Variants in USP16 observed in about 807,000 individuals in gnomAD.
USP16 encodes the protein ubiquitin carboxyl-terminal hydrolase 16.
Under a neutral mutation model 95.9 loss-of-function variants are expected in USP16, and 77 were observed. The ratio of observed to expected loss-of-function variants is 0.80; its 90% CI spans 0.67 to 0.97. The LOEUF is 0.97. USP16 is among the 50% of genes least tolerant of loss of function. The pLI, the probability that USP16 is intolerant of heterozygous loss-of-function variation, is 0.00. For missense variants in USP16, 943 were observed against 959.9 expected (o/e 0.98, Z 0.23); for synonymous variants, 303 against 318.2 (o/e 0.95, Z 0.51).
chr21:29,047,667 A>G (rs2085347245), intron 14 of USP16, among the ~76,000 whole-genome samples: 1 of 152,042 alleles, frequency 6.6e-6, no homozygotes, highest in Non-Finnish European at 1.5e-5. Context: ...TTATCAGTGA[A>G]CTAATATGAC....
At chr21:29,028,034 G>A in intron 2 of USP16, 60 bp downstream of exon 2, 1 of 1,288,616 alleles carries the variant, frequency 7.8e-7, no homozygotes, top group South Asian at 1.3e-5. Flanking sequence ...GTTTTAAAAT[G>A]TAAAAATGGT....
intron 14 of USP16, 59 bp downstream of exon 14, chr21:29,047,380 AT>A: frequency 6.6e-7 from 1 of 1,514,012 alleles, no homozygotes; most frequent in Non-Finnish European, 8.9e-7. Flanking sequence ...TTTGCACTGC[AT>A]AGGTAGAGTA....
rs543669306 is a variant in USP16 at position 29,035,828 on chromosome 21, A to C, written c.345-443A>C. On this transcript the variant is annotated intron_variant, in intron 4 of 17. Coordinates refer to ENST00000399976, the MANE Select transcript of USP16 (RefSeq NM_006447.3). ...CAGCTACTCGGGAGGCTGAGGTAGG[A>C]GAATGGCATGAACCAGGGAGCTGGA... is the stretch of plus-strand genomic sequence containing the variant. Among the ~76,000 whole-genome samples, 9 of 152,206 alleles carry C rather than the reference A, an allele frequency of 5.9e-5. No individual in the cohort carries two copies. The East Asian group carries it at 1.6e-3, about 26-fold the overall frequency.
At chr21:29,036,202 AATT>A in intron 4 of USP16, 66 bp from the exon 5 acceptor site, 3 of 1,305,796 alleles carry the variant, frequency 2.3e-6, no homozygotes, top group Non-Finnish European at 3.3e-6. Context: ...TGATTCCAGG[AATT>A]ATTATTTGTC....
chr21:29,047,891 T>C (rs545858011), intron 14 of USP16, among the ~76,000 whole-genome samples: 3 of 151,996 alleles, frequency 2.0e-5, no homozygotes, highest in East Asian at 1.9e-4. Flanking sequence ...TATTTACATA[T>C]AGAGACAAAA....
intron 1 of USP16, chr21:29,026,549 TTTTTTTTTTTTTG>T (rs1246166598): frequency 1.6e-5 from 2 of 126,540 alleles, no homozygotes; most frequent in Non-Finnish European, 3.3e-5. Flanking sequence ...TTTTTTTTTT[TTTTTTTTTTTTTG>T]GTAGAGATAG....
intron 10 of USP16, among the ~76,000 whole-genome samples, chr21:29,041,673 A>C (rs554325417): frequency 6.6e-6 from 1 of 152,222 alleles, no homozygotes; most frequent in South Asian, 2.1e-4. Flanking sequence ...CATTCAGCCT[A>C]CTCTGAGCTG....
chr21:29,042,178 G>A, intron 11 of USP16, 74 bp downstream of exon 11: 1 of 1,323,838 alleles, frequency 7.6e-7, no homozygotes, highest in Non-Finnish European at 1.1e-6. Flanking sequence ...TTCAAAAGCA[G>A]AAATCTCTAC....
intron 7 of USP16, 136 bp downstream of exon 7, chr21:29,038,566 T>A: frequency 1.4e-6 from 1 of 693,172 alleles, no homozygotes; most frequent in Non-Finnish European, 2.5e-6. Flanking sequence ...CTTAAACAGT[T>A]TCAGGCTAAT....
At chr21:29,035,326 CAG>C (rs2085137636) in intron 4 of USP16, among the ~76,000 whole-genome samples, 1 of 151,472 alleles carries the variant, frequency 6.6e-6, no homozygotes, top group Non-Finnish European at 1.5e-5. Context: ...ATCATTAAAA[CAG>C]ATTTTTACGT....
chr21:29,030,853 A>C, intron 3 of USP16, 80 bp downstream of exon 3: 1 of 1,459,634 alleles, frequency 6.9e-7, no homozygotes. Flanking sequence ...CTGAAAGTAC[A>C]GTATGGATAA....
chr21:29,038,350 C>G lies in USP16; in HGVS notation c.652C>G (p.Pro218Ala). 2 of 1,609,388 alleles carry G rather than the reference C, an allele frequency of 1.2e-6. No individual in the cohort carries two copies. Residue 218 changes from proline (P) to alanine (A), a missense_variant, in exon 7 of 18, where the codon CCA (proline) becomes GCA (alanine). Coordinates refer to ENST00000399976, the MANE Select transcript of USP16 (RefSeq NM_006447.3). ...TACATTCTAGAACTTGTCACAAACA[C>G]CAGTGCTTAGAGAACTACTAAAAGA... ...NAVMQNLSQT[P>A]VLRELLKEVK...
At chr21:29,025,000 G>A in intron 1 of USP16, 2 of 360,794 alleles carry the variant, frequency 5.5e-6, no homozygotes, top group Non-Finnish European at 9.7e-6. Flanking sequence ...CGACCCCGTG[G>A]ACCCAGAGGT....
chr21:29,041,992 TAG>T lies in USP16; in HGVS notation c.1031-19_1031-18del. 7 of 1,602,026 alleles carry T rather than the reference TAG, an allele frequency of 4.4e-6. No homozygotes were observed. Among genetic ancestry groups the T allele is most frequent in the Non-Finnish European group, 5.1e-6 (6 of 1,170,920 alleles). ...TTATATAACGGTAATTGGTAATTGA[TAG>T]ACTTTTTTTTCTCCATAGATTATGA... On this transcript the variant is annotated intron_variant, in intron 10 of 17. Transcript: ENST00000399976.
intron 4 of USP16, 79 bp downstream of exon 4, chr21:29,035,019 A>T (rs1213738005): frequency 7.3e-7 from 1 of 1,378,362 alleles, no homozygotes; most frequent in African/African-American, 1.5e-5. Flanking sequence ...TATGTTTAAG[A>T]AGAAAGCAAT....
chr21:29,043,467 G>A lies in USP16; in HGVS notation c.1224G>A (p.Val408=), dbSNP rs932003946. Residue 408 remains valine (V), a synonymous_variant, in exon 13 of 18, where the codon GTG becomes GTA. Transcript: ENST00000399976. ...ATGATAAAAATCTGAAAAAGACAGT[G>A]GAGGATGAAGATCAAGATAGTGAGG... is the stretch of plus-strand genomic sequence containing the variant. ...SVNDKNLKKT[V]EDEDQDSEEE... 1.9e-5 allele frequency: 30 copies of A among 1,576,306 alleles called. No individual in the cohort carries two copies. Among genetic ancestry groups the A allele is most frequent in the Non-Finnish European group, 2.4e-5 (28 of 1,164,978 alleles).
intron 9 of USP16, among the ~76,000 whole-genome samples, chr21:29,040,014 TA>T (rs1359573473): frequency 6.6e-6 from 1 of 152,164 alleles, no homozygotes; most frequent in African/African-American, 2.4e-5. Context: ...TGCCAGGATA[TA>T]AAAAAATGTA....
chr21:29,046,711 A>G lies in USP16; in HGVS notation c.1401A>G (p.Leu467=). The G allele has an allele frequency of 6.2e-7, 1 of 1,610,222 alleles. No individual in the cohort carries two copies. The highest frequency in any genetic ancestry group is 1.1e-5 in the South Asian group (1 of 89,950). Residue 467 remains leucine (L), a synonymous_variant, in exon 14 of 18, where the codon TTA becomes TTG. Coordinates refer to ENST00000399976, the MANE Select transcript of USP16 (RefSeq NM_006447.3). ...QQKIQGKVLH[L]NDICTIDHPE... The stretch of plus-strand genomic sequence containing the variant: ...AAATTCAAGGAAAAGTTCTTCATTT[A>G]AATGATATTTGTACTATTGACCATC...
chr21:29,044,347 T>A (rs2085290647), intron 13 of USP16, among the ~76,000 whole-genome samples: 1 of 152,194 alleles, frequency 6.6e-6, no homozygotes, highest in Non-Finnish European at 1.5e-5. Context: ...CTTGGTTTTT[T>A]TCCCCCTTTC....
Sources: allele counts gnomAD v4.1 joint callset (sites outside exome capture counted in the v4.1 genomes callset), GRCh38; gene constraint gnomAD v4.1.1; transcripts MANE v1.5; gene names NCBI Gene and HGNC (gene_info 2026-07-23, HGNC 2026-07-21).